Variants in ALOX5 observed in about 807,000 individuals in gnomAD.
The protein encoded by ALOX5 is polyunsaturated fatty acid 5-lipoxygenase.
In ALOX5, 64 loss-of-function variants were observed where a neutral mutation model predicts 87.9. That is an observed-to-expected ratio of 0.73 (90% CI 0.60 to 0.90). The LOEUF (loss-of-function observed/expected upper bound fraction) is 0.90. ALOX5 is among the 40% of genes least tolerant of loss of function. ALOX5 has a pLI of 0.00. For missense variants in ALOX5, 822 were observed against 907.5 expected, an observed-to-expected ratio of 0.91 and a Z score of 1.21; for synonymous variants, 388 against 355.1, an observed-to-expected ratio of 1.09 and a Z score of -1.04.
chr10:45,425,205 T>G lies in ALOX5; in HGVS notation c.834+73T>G, dbSNP rs1476121600. ...GTGGAAGCCAGTTCCTCCTGGCCAG[T>G]GCTCATAGGCCACCAAGACGCTAAC... On this transcript the variant is annotated intron_variant, in intron 6 of 13. Coordinates refer to ENST00000374391, the MANE Select transcript of ALOX5 (RefSeq NM_000698.5). The surrounding 1 kb of genome is among the most constrained non-coding windows in gnomAD (Gnocchi z 4.4). 7 of 1,503,156 alleles carry G rather than the reference T, an allele frequency of 4.7e-6. No homozygotes were observed. The highest frequency in any genetic ancestry group is 6.3e-6 in the Non-Finnish European group (7 of 1,119,192). The allele number at this position is 1,503,156 out of a possible 1,614,324, so 93.1% of individuals were successfully genotyped here.
chr10:45,391,015 T>TC (rs1840210384), intron 2 of ALOX5, among the ~76,000 whole-genome samples: 1 of 63,270 alleles, frequency 1.6e-5, no homozygotes, highest in Non-Finnish European at 3.0e-5. Flanking sequence ...CTCTCTCCTC[T>TC]CCCATCTCCC....
In ALOX5 at chr10:45,444,190, G is replaced by T; in HGVS notation, c.1749G>T (p.Val583=). 6.4e-7 allele frequency: 1 copy of T among 1,557,058 alleles called. No homozygotes were observed. ...RAPPPTAKGV[V]TIEQIVDTLP... ...CGCCACCGACTGCCAAGGGCGTGGT[G>T]ACCATTGAGCAGATCGTGGACACGC... is the stretch of plus-strand genomic sequence containing the variant. The change falls in exon 13 of 14, where the codon GTG becomes GTT. Residue 583 remains valine, a synonymous_variant. Coordinates refer to ENST00000374391, the MANE Select transcript of ALOX5 (RefSeq NM_000698.5).
chr10:45,386,093 A>G (rs1264034472), intron 2 of ALOX5, among the ~76,000 whole-genome samples: 2 of 152,146 alleles, frequency 1.3e-5, no homozygotes, highest in African/African-American at 4.8e-5. Context: ...CAAGGTCAGG[A>G]GATCGAGACC....
chr10:45,409,192 C>A (rs1296547600), intron 3 of ALOX5, among the ~76,000 whole-genome samples: 1 of 152,208 alleles, frequency 6.6e-6, no homozygotes, highest in Non-Finnish European at 1.5e-5. Context: ...TACCTCACTT[C>A]CATTTTCTGT....
chr10:45,443,544 C>T lies in ALOX5; in HGVS notation c.1573+7C>T. 1.2e-6 allele frequency: 2 copies of T among 1,609,660 alleles called. No homozygotes were observed. Among genetic ancestry groups the T allele is most frequent in the Non-Finnish European group, 1.7e-6 (2 of 1,177,346 alleles). ...CGGGGCCGCAAGTCCTCAGGTAGGG[C>T]CTCCGGGACGTCTCCGGACCCGGCT... On this transcript the variant is annotated splice_region_variant and intron_variant, in intron 11 of 13. Transcript: ENST00000374391.
At chr10:45,428,153 G>A (rs1308072870) in intron 6 of ALOX5, among the ~76,000 whole-genome samples, 1 of 8,774 alleles carries the variant, frequency 1.1e-4, no homozygotes, top group African/African-American at 4.5e-4. Flanking sequence ...TACCCCACCC[G>A]GCGGACAGCC....
intron 8 of ALOX5, among the ~76,000 whole-genome samples, chr10:45,440,948 T>C (rs1351558407): frequency 6.6e-6 from 1 of 152,178 alleles, no homozygotes; most frequent in African/African-American, 2.4e-5. Context: ...TCACTCTCCG[T>C]CCCTGTTCTC....
chr10:45,407,834 CG>C (rs1400171801), intron 3 of ALOX5, among the ~76,000 whole-genome samples: 15 of 152,180 alleles, frequency 9.9e-5, no homozygotes, highest in African/African-American at 3.6e-4. Flanking sequence ...GAAATTTTAA[CG>C]GTTCACTAGG....
chr10:45,407,061 T>C (rs1481385875), intron 3 of ALOX5, among the ~76,000 whole-genome samples: 1 of 152,228 alleles, frequency 6.6e-6, no homozygotes, highest in Non-Finnish European at 1.5e-5. Context: ...GGTCCATGTG[T>C]AGTGTAAGAT....
intron 2 of ALOX5, among the ~76,000 whole-genome samples, chr10:45,391,528 T>C (rs1249115324): frequency 6.6e-6 from 1 of 151,898 alleles, no homozygotes; most frequent in African/African-American, 2.4e-5. Context: ...GTCTGGGAAG[T>C]GAGGAGCGTC....
At chr10:45,392,069 G>A (rs181816554) in intron 2 of ALOX5, among the ~76,000 whole-genome samples, 1,770 of 151,532 alleles carry the variant, frequency 0.012, 32 homozygotes, top group African/African-American at 0.04. Context: ...CAGCCGCCCC[G>A]TCCGAGAGGG....
chr10:45,423,030 C>T (rs912297184), intron 4 of ALOX5, among the ~76,000 whole-genome samples: 28 of 152,196 alleles, frequency 1.8e-4, no homozygotes, highest in African/African-American at 6.0e-4. Flanking sequence ...CCCTCGTGAC[C>T]TCGTCTAACC....
intron 3 of ALOX5, among the ~76,000 whole-genome samples, chr10:45,411,360 T>C (rs1334415752): frequency 6.6e-6 from 1 of 152,194 alleles, no homozygotes; most frequent in Non-Finnish European, 1.5e-5. Flanking sequence ...TGCTGCCCAG[T>C]AGGTCTCAGC....
In ALOX5 at chr10:45,428,688, C is replaced by T. The variant is rs201471525; in HGVS notation, c.905C>T (p.Thr302Ile). The change falls in exon 7 of 14, where the codon ACA (threonine) becomes ATA (isoleucine). Residue 302 changes from threonine (T) to isoleucine (I), a missense_variant. Physicochemically the swap from Thr to Ile is moderately conservative, Grantham distance 89. Coordinates refer to ENST00000374391, the MANE Select transcript of ALOX5 (RefSeq NM_000698.5). ...GATGCCAACAAAACAGACCCCTGCACACTCCAGTTCCTGGCCGCTCCCATC... is the reference window on the plus strand; with the variant it reads ...GATGCCAACAAAACAGACCCCTGCATACTCCAGTTCCTGGCCGCTCCCATC... ...GIDANKTDPC[T>I]LQFLAAPICL... is the part of the protein sequence containing the mutation. 1.2e-6 allele frequency: 2 copies of T among 1,614,050 alleles called. No homozygotes were observed. The highest frequency in any genetic ancestry group is 1.7e-6 in the Non-Finnish European group (2 of 1,180,052).
Position 45,425,051 on chromosome 10 carries a change from G to C in ALOX5, c.753G>C (p.Glu251Asp). ...CNPVLIRRCT[E>D]LPEKLPVTTE... ...CTGTGTTGATCCGGCGCTGCACAGAGCTGCCCGAGAAGCTCCCGGTGACCA... is the reference window on the plus strand; with the variant it reads ...CTGTGTTGATCCGGCGCTGCACAGACCTGCCCGAGAAGCTCCCGGTGACCA... Residue 251 changes from glutamate (E) to aspartate (D), a missense_variant, in exon 6 of 14, where the codon GAG becomes GAC. Coordinates refer to ENST00000374391, the MANE Select transcript of ALOX5 (RefSeq NM_000698.5). This position sits in a 1 kb window ranked among gnomAD's most constrained non-coding sequence, Gnocchi z 4.4. The C allele has an allele frequency of 1.9e-6, 3 of 1,613,824 alleles. No homozygotes were observed. The East Asian group carries it at 6.7e-5, about 36-fold the overall frequency.
chr10:45,395,542 A>G (rs1193078891), intron 2 of ALOX5, among the ~76,000 whole-genome samples: 1 of 152,266 alleles, frequency 6.6e-6, no homozygotes, highest in South Asian at 2.1e-4. Flanking sequence ...CCAACATGAC[A>G]CATGTATACA....
chr10:45,394,971 G>T (rs1394013232), intron 2 of ALOX5, among the ~76,000 whole-genome samples: 7 of 152,174 alleles, frequency 4.6e-5, no homozygotes, highest in Admixed American at 3.3e-4. Flanking sequence ...TGCTGGAGAG[G>T]GTGTGGAGAA....
intron 1 of ALOX5, among the ~76,000 whole-genome samples, chr10:45,377,899 A>T (rs117901000): frequency 6.6e-6 from 1 of 152,324 alleles, no homozygotes; most frequent in Non-Finnish European, 1.5e-5. Flanking sequence ...CTACATATCC[A>T]ATAAAAAGTT....
chr10:45,418,079 C>A (rs1282437717), intron 4 of ALOX5, among the ~76,000 whole-genome samples: 2 of 152,232 alleles, frequency 1.3e-5, no homozygotes, highest in Non-Finnish European at 2.9e-5. Flanking sequence ...TTCTGCCCCT[C>A]CTGGCCCAGC....
Sources: allele counts gnomAD v4.1 joint callset (sites outside exome capture counted in the v4.1 genomes callset), GRCh38; gene constraint gnomAD v4.1.1; non-coding constraint Gnocchi (gnomAD v3.1); transcripts MANE v1.5; gene names NCBI Gene and HGNC (gene_info 2026-07-23, HGNC 2026-07-21).